Variants in RBFOX1 observed in about 807,000 individuals in gnomAD.
The protein encoded by RBFOX1 is RNA binding fox-1 homolog 1.
In RBFOX1, 8 loss-of-function variants were observed where a neutral mutation model predicts 57.7. That is an observed-to-expected ratio of 0.14 (90% CI 0.08 to 0.25). RBFOX1 has a LOEUF of 0.25. RBFOX1 is among the 10% of genes least tolerant of loss of function. The probability of loss-of-function intolerance (pLI) is 1.00; values close to 1 mark genes in which losing one functional copy is unlikely to be tolerated. For missense variants in RBFOX1, 611 were observed against 548.5 expected, an observed-to-expected ratio of 1.11 and a Z score of -1.14; for synonymous variants, 326 against 222.4, an observed-to-expected ratio of 1.47 and a Z score of -4.15.
intron 4 of RBFOX1, among the ~76,000 whole-genome samples, chr16:7,407,447 G>A (rs951393892): frequency 1.3e-5 from 2 of 151,794 alleles, no homozygotes; most frequent in African/African-American, 4.8e-5. Context: ...GCAAAAAGAA[G>A]CCATGATACT....
At chr16:5,819,481 C>T (rs963044713) in intron 3 of RBFOX1, among the ~76,000 whole-genome samples, 4 of 152,230 alleles carry the variant, frequency 2.6e-5, no homozygotes, top group African/African-American at 9.6e-5. Context: ...CATGACCTCA[C>T]TGTGCCACTT....
At chr16:7,704,155 A>T (rs1037551257) in intron 14 of RBFOX1, among the ~76,000 whole-genome samples, 6 of 152,288 alleles carry the variant, frequency 3.9e-5, no homozygotes, top group Admixed American at 3.9e-4. Flanking sequence ...GCAGAACTCA[A>T]ACCTGGATCT....
intron 4 of RBFOX1, among the ~76,000 whole-genome samples, chr16:7,351,914 A>T (rs180976011): frequency 6.6e-6 from 1 of 152,166 alleles, no homozygotes; most frequent in East Asian, 1.9e-4. Context: ...TCCAACCCCA[A>T]CCCCAGGAAA....
At chr16:7,617,929 C>A (rs1281061806) in intron 10 of RBFOX1, among the ~76,000 whole-genome samples, 1 of 151,888 alleles carries the variant, frequency 6.6e-6, no homozygotes, top group Admixed American at 6.6e-5. Flanking sequence ...AAGATCATTG[C>A]AGGAGGGAAT....
At chr16:6,810,803 T>G (rs2088326278) in intron 3 of RBFOX1, among the ~76,000 whole-genome samples, 1 of 152,046 alleles carries the variant, frequency 6.6e-6, no homozygotes, top group Non-Finnish European at 1.5e-5. Flanking sequence ...TCGCCAGAAG[T>G]CACTCACTAT....
intron 2 of RBFOX1, among the ~76,000 whole-genome samples, chr16:6,460,457 CA>C (rs56761805): frequency 5.4e-5 from 8 of 147,892 alleles, no homozygotes; most frequent in African/African-American, 7.5e-5. Context: ...AGACACTTCT[CA>C]AAAAAAAAAC....
chr16:6,803,802 T>C (rs936529697), intron 3 of RBFOX1, among the ~76,000 whole-genome samples: 1 of 152,054 alleles, frequency 6.6e-6, no homozygotes, highest in Non-Finnish European at 1.5e-5. Context: ...TAGAGAGTTG[T>C]ACTGGGAGAT....
chr16:6,112,227 A>G (rs2096454618), intron 1 of RBFOX1, among the ~76,000 whole-genome samples: 1 of 152,152 alleles, frequency 6.6e-6, no homozygotes, highest in Admixed American at 6.5e-5. Context: ...GGGTTATAGG[A>G]TGAAATGCAG....
At chr16:7,618,349 G>A (rs1042582707) in intron 10 of RBFOX1, among the ~76,000 whole-genome samples, 3 of 152,088 alleles carry the variant, frequency 2.0e-5, no homozygotes, top group Admixed American at 6.5e-5. Context: ...TAATATGTGC[G>A]TGAAGCCCTG....
chr16:5,297,137 A>AT (rs1391932308), intron 1 of RBFOX1, among the ~76,000 whole-genome samples: 1 of 152,158 alleles, frequency 6.6e-6, no homozygotes, highest in Non-Finnish European at 1.5e-5. Context: ...TTGTGTATAT[A>AT]TTCCTTATCC....
intron 1 of RBFOX1, among the ~76,000 whole-genome samples, chr16:6,078,456 A>G (rs1249375378): frequency 6.6e-6 from 1 of 151,446 alleles, no homozygotes; most frequent in African/African-American, 2.4e-5. Context: ...AATGTATTTT[A>G]TGTATGACCT....
intron 11 of RBFOX1, among the ~76,000 whole-genome samples, chr16:7,644,559 G>T (rs557014688): frequency 6.6e-6 from 1 of 152,146 alleles, no homozygotes; most frequent in Non-Finnish European, 1.5e-5. Flanking sequence ...CCCGTTTGAG[G>T]ATTGCCACCC....
Position 7,500,925 on chromosome 16 carries a change from C to G in RBFOX1, c.28-17222C>G, listed in dbSNP as rs543959678. Among the ~76,000 whole-genome samples the G allele has an allele frequency of 1.3e-5, 2 of 152,194 alleles. 1 individual carries two copies. Among genetic ancestry groups the G allele is most frequent in the South Asian group, 4.1e-4 (2 of 4,836 alleles). ...GTTCTTGTAATAGTGAGTGACTTCT[C>G]ATGAGATCTGATGGGTTTATATGAG... On this transcript the variant is annotated intron_variant, in intron 4 of 15. Coordinates refer to ENST00000550418, the MANE Select transcript of RBFOX1 (RefSeq NM_018723.4).
intron 2 of RBFOX1, among the ~76,000 whole-genome samples, chr16:6,492,222 T>A (rs1193971601): frequency 1.3e-5 from 2 of 152,214 alleles, no homozygotes; most frequent in African/African-American, 4.8e-5. Context: ...TTTTATATAC[T>A]GTTAGAATGT....
intron 2 of RBFOX1, among the ~76,000 whole-genome samples, chr16:6,539,106 C>T (rs2096775506): frequency 6.7e-6 from 1 of 148,750 alleles, no homozygotes; most frequent in Non-Finnish European, 1.5e-5. Flanking sequence ...GCAGAAAGAA[C>T]AGTTGATGAT....
At chr16:5,491,054 C>A (rs2042811577) in intron 2 of RBFOX1, among the ~76,000 whole-genome samples, 1 of 152,144 alleles carries the variant, frequency 6.6e-6, no homozygotes, top group African/African-American at 2.4e-5. Context: ...TGGCCAATAT[C>A]AAATTCCATA....
chr16:6,580,983 G>A (rs563742240), intron 2 of RBFOX1, among the ~76,000 whole-genome samples: 4 of 150,416 alleles, frequency 2.7e-5, no homozygotes, highest in African/African-American at 7.3e-5. Flanking sequence ...CATTGATCAA[G>A]AATATATTTT....
chr16:7,661,946 C>A (rs1036210952), intron 12 of RBFOX1, among the ~76,000 whole-genome samples: 1 of 152,170 alleles, frequency 6.6e-6, no homozygotes, highest in Non-Finnish European at 1.5e-5. Flanking sequence ...CATGTTCTTT[C>A]CTCACCTCTG....
intron 2 of RBFOX1, among the ~76,000 whole-genome samples, chr16:6,520,992 A>C (rs2096487430): frequency 6.6e-6 from 1 of 152,298 alleles, no homozygotes; most frequent in Middle Eastern, 3.4e-3. Context: ...AATTGGCATA[A>C]ATTTTCCGAA....
Sources: allele counts gnomAD v4.1 joint callset (sites outside exome capture counted in the v4.1 genomes callset), GRCh38; gene constraint gnomAD v4.1.1; transcripts MANE v1.5; gene names NCBI Gene and HGNC (gene_info 2026-07-23, HGNC 2026-07-21).